GPM6A: variants seen among roughly 807,000 people sequenced by gnomAD.
The protein encoded by GPM6A is neuronal membrane glycoprotein M6-a.
In GPM6A, 7 loss-of-function variants were observed where a neutral mutation model predicts 32.1. The ratio of observed to expected loss-of-function variants is 0.22; its 90% CI spans 0.12 to 0.41. The LOEUF (loss-of-function observed/expected upper bound fraction) is 0.41. Ranked by LOEUF, GPM6A falls within the 10% of genes least tolerant of loss-of-function variation. The pLI, the probability that GPM6A is intolerant of heterozygous loss-of-function variation, is 1.00. For missense variants in GPM6A, 235 were observed against 347.2 expected (o/e 0.68, Z 2.57); for synonymous variants, 130 against 123.4 (o/e 1.05, Z -0.35).
chr4:175,726,689 A>G (rs1746426552), intron 1 of GPM6A, among the ~76,000 whole-genome samples: 2 of 152,186 alleles, frequency 1.3e-5, no homozygotes, highest in Non-Finnish European at 2.9e-5. Flanking sequence ...AGACACAAAA[A>G]CTAAAATGCA....
chr4:175,835,062 T>C (rs1735722460), intron 1 of GPM6A, among the ~76,000 whole-genome samples: 1 of 152,220 alleles, frequency 6.6e-6, no homozygotes, highest in Admixed American at 6.5e-5. Context: ...GAGAAGACAG[T>C]GCTGCCGAAC....
At chr4:175,892,246 A>C (rs1406611257) in intron 1 of GPM6A, among the ~76,000 whole-genome samples, 1 of 152,208 alleles carries the variant, frequency 6.6e-6, no homozygotes, top group African/African-American at 2.4e-5. Context: ...ATAGGGACTC[A>C]AGATACCCTC....
intron 6 of GPM6A, among the ~76,000 whole-genome samples, chr4:175,637,085 AT>A (rs1740674736): frequency 1.4e-5 from 1 of 72,454 alleles, no homozygotes; most frequent in South Asian, 3.9e-4. Context: ...TATATAACAT[AT>A]AATATATCAT....
At chr4:175,855,845 A>C (rs920298278) in intron 1 of GPM6A, among the ~76,000 whole-genome samples, 2 of 152,194 alleles carry the variant, frequency 1.3e-5, no homozygotes, top group Admixed American at 6.5e-5. Flanking sequence ...GTTAATATAC[A>C]CATATATATT....
At chr4:175,881,092 C>T (rs907273329) in intron 1 of GPM6A, among the ~76,000 whole-genome samples, 2 of 152,076 alleles carry the variant, frequency 1.3e-5, no homozygotes, top group South Asian at 2.1e-4. Flanking sequence ...GCAATCTACT[C>T]ATCTGACAAA....
chr4:175,688,561 T>C (rs921168151), intron 2 of GPM6A, among the ~76,000 whole-genome samples: 1 of 152,196 alleles, frequency 6.6e-6, no homozygotes, highest in African/African-American at 2.4e-5. Flanking sequence ...TCTGTCTTTA[T>C]GTCAATACCA....
chr4:175,955,913 G>T (rs1305229877), intron 1 of GPM6A, among the ~76,000 whole-genome samples: 1 of 152,106 alleles, frequency 6.6e-6, no homozygotes, highest in Non-Finnish European at 1.5e-5. Context: ...TCTCTTTCCA[G>T]CTCTGCCTTC....
At chr4:175,929,189 A>G (rs929188022) in intron 1 of GPM6A, among the ~76,000 whole-genome samples, 33 of 152,246 alleles carry the variant, frequency 2.2e-4, no homozygotes, top group African/African-American at 7.7e-4. Context: ...GACAAGGAAC[A>G]AAATAGCAGG....
chr4:175,714,994 GAAAAAAA>G (rs34494840), intron 1 of GPM6A, among the ~76,000 whole-genome samples: 1 of 105,378 alleles, frequency 9.5e-6, no homozygotes, highest in African/African-American at 3.3e-5. Flanking sequence ...ATCCCTGGAA[GAAAAAAA>G]AAAAAAAAAA....
At chr4:175,701,456 C>T in intron 2 of GPM6A, 119 bp downstream of exon 2, 2 of 730,274 alleles carry the variant, frequency 2.7e-6, no homozygotes, top group Non-Finnish European at 4.8e-6. Context: ...TCAGGTATAC[C>T]CTAAAAGTGC....
chr4:175,847,941 G>GGGTCTT, intron 1 of GPM6A, among the ~76,000 whole-genome samples: 1 of 152,316 alleles, frequency 6.6e-6, no homozygotes, highest in East Asian at 1.9e-4. Flanking sequence ...ATCCACTGGA[G>GGGTCTT]GGTCTTGGAA....
chr4:175,833,380 A>G (rs1735673365), intron 1 of GPM6A, among the ~76,000 whole-genome samples: 1 of 152,112 alleles, frequency 6.6e-6, no homozygotes, highest in South Asian at 2.1e-4. Flanking sequence ...GACTCTGTAG[A>G]AGCATGCAGA....
At chr4:175,786,646 C>T (rs889163750) in intron 1 of GPM6A, among the ~76,000 whole-genome samples, 2 of 152,076 alleles carry the variant, frequency 1.3e-5, no homozygotes, top group South Asian at 2.1e-4. Context: ...TCCCTTCTCC[C>T]TCAGAACTAA....
chr4:175,728,727 C>T lies in GPM6A; in HGVS notation c.38-26960G>A, dbSNP rs1197466110. Among the ~76,000 whole-genome samples the T allele has an allele frequency of 2.0e-5, 3 of 152,134 alleles. No individual in the cohort carries two copies. In the East Asian group the frequency reaches 5.8e-4, roughly 29 times the overall value. On this transcript the variant is annotated intron_variant, in intron 1 of 6. Coordinates refer to ENST00000393658, the MANE Select transcript of GPM6A (RefSeq NM_201591.3). ...AACTTAGGCTGAAAGCTGTTGGTGC[C>T]CTCTCCCTGTTGCATTTCCCCTAGC...
chr4:175,891,775 C>A (rs1737656799), intron 1 of GPM6A: 1 of 152,132 alleles, frequency 6.6e-6, no homozygotes, highest in African/African-American at 2.4e-5. Flanking sequence ...AAGTATTGAA[C>A]CAAATTTATA....
At chr4:175,953,342 T>C (rs1303750987) in intron 1 of GPM6A, among the ~76,000 whole-genome samples, 1 of 152,068 alleles carries the variant, frequency 6.6e-6, no homozygotes, top group Non-Finnish European at 1.5e-5. Context: ...ATTTGTGTAA[T>C]AGATGTGAAA....
intron 1 of GPM6A, among the ~76,000 whole-genome samples, chr4:175,747,496 T>C (rs968472130): frequency 4.6e-5 from 7 of 152,182 alleles, no homozygotes; most frequent in Non-Finnish European, 1.0e-4. Flanking sequence ...AATGTGAATA[T>C]TGTAATAAAG....
intron 3 of GPM6A, among the ~76,000 whole-genome samples, chr4:175,661,701 T>G (rs2110947746): frequency 6.6e-6 from 1 of 152,282 alleles, no homozygotes; most frequent in East Asian, 1.9e-4. Context: ...ATCATTGTCC[T>G]GGGATGAAGT....
intron 1 of GPM6A, among the ~76,000 whole-genome samples, chr4:175,708,705 T>A (rs935029670): frequency 6.6e-6 from 1 of 152,148 alleles, no homozygotes; most frequent in Non-Finnish European, 1.5e-5. Context: ...AAGAGACCAG[T>A]GGTGCCAAAA....
Sources: allele counts gnomAD v4.1 joint callset (sites outside exome capture counted in the v4.1 genomes callset), GRCh38; gene constraint gnomAD v4.1.1; transcripts MANE v1.5; gene names NCBI Gene and HGNC (gene_info 2026-07-23, HGNC 2026-07-21).